Variants in COL5A3 observed in about 807,000 individuals in gnomAD.
COL5A3 encodes collagen type V alpha 3 chain.
COL5A3 carries 172 observed loss-of-function variants against 250.0 expected under a neutral mutation model. The ratio of observed to expected loss-of-function variants is 0.69; its 90% CI spans 0.61 to 0.78. The LOEUF is 0.78. COL5A3 is among the 30% of genes least tolerant of loss of function. COL5A3 has a pLI of 0.00. For synonymous variants in COL5A3, 937 were observed against 900.4 expected (o/e 1.04, Z -0.73); for missense variants, 2,340 against 2,334.4 (o/e 1.00, Z -0.05).
In COL5A3 at chr19:9,979,170, G is replaced by C. The variant is rs1415883857; in HGVS notation, c.2836C>G (p.Gln946Glu). 1 of 1,600,892 alleles carries C rather than the reference G, an allele frequency of 6.2e-7. No homozygotes were observed. Among genetic ancestry groups the C allele is most frequent in the Non-Finnish European group, 8.5e-7 (1 of 1,176,422 alleles). The change falls in exon 39 of 67, where the codon CAA becomes GAA. Residue 946 changes from glutamine to glutamate, a missense_variant. Physicochemically the swap from Gln to Glu is conservative, Grantham distance 29. Around this residue, in one of 3 missense-constraint regions of COL5A3, gnomAD observed 1,179 missense variants for 1,162.6 expected, o/e 1.01. Coordinates refer to ENST00000264828, the MANE Select transcript of COL5A3 (RefSeq NM_015719.4). ...CTGCCTTCCAGGCCAGGAAGACCTT[G>C]TTCACCAGGAGGTCCAGGGGGGCCT... ...PPGPPGPPGE[Q>E]GLPGLEGREG...
chr19:9,960,592 G>T (rs745721099), intron 66 of COL5A3, 35 bp from the exon 67 acceptor site: 12 of 1,613,532 alleles, frequency 7.4e-6, no homozygotes, highest in Non-Finnish European at 1.0e-5. Flanking sequence ...GTGAGTTACC[G>T]GGAAGGTGGC....
chr19:9,985,030 C>T (rs190631884), intron 31 of COL5A3, among the ~76,000 whole-genome samples: 1 of 146,856 alleles, frequency 6.8e-6, no homozygotes, highest in Non-Finnish European at 1.5e-5. Flanking sequence ...CTCACTGCAA[C>T]CTCTGCCTCC....
Position 10,006,221 on chromosome 19 carries a change from A to G in COL5A3, c.99T>C (p.Asp33=), listed in dbSNP as rs1242933877. 1 of 1,598,588 alleles carries G rather than the reference A, an allele frequency of 6.3e-7. No individual in the cohort carries two copies. Among genetic ancestry groups the G allele is most frequent in the Admixed American group, 1.8e-5 (1 of 56,596 alleles). ...CCTGCACACCCAGGGCCTTCAGGAC[A>G]TCCACAGGATCTGCAGCAGAGAGAA... ...LLPGTQADPV[D]VLKALGVQGG... is the part of the protein sequence containing the mutation. The change falls in exon 2 of 67, where the codon GAT becomes GAC. Residue 33 remains aspartate (D), a synonymous_variant. Coordinates refer to ENST00000264828, the MANE Select transcript of COL5A3 (RefSeq NM_015719.4).
chr19:9,966,453 G>A (rs373086816), intron 63 of COL5A3, 27 bp from the exon 64 acceptor site: 6 of 1,579,540 alleles, frequency 3.8e-6, no homozygotes, highest in Non-Finnish European at 5.2e-6. Context: ...CAGGGTGGGT[G>A]AGTCCGGATG....
intron 29 of COL5A3, 37 bp downstream of exon 29, chr19:9,986,516 C>A: frequency 6.2e-7 from 1 of 1,613,002 alleles, no homozygotes; most frequent in Non-Finnish European, 8.5e-7. Flanking sequence ...CCCGAGCCCC[C>A]AGACCCACAC....
chr19:10,003,952 G>A, intron 5 of COL5A3, 89 bp downstream of exon 5: 1 of 1,155,626 alleles, frequency 8.7e-7, no homozygotes, highest in Non-Finnish European at 1.3e-6. Flanking sequence ...CATGTCTGGG[G>A]GATGAGAATT....
rs763206379 is a variant in COL5A3, at chr19:9,966,494, C to T, written c.4669+42G>A. ...CGACGGACCCCAACCCCCCCCACACCCCCACTCCGCCCATCCAAGTGGCGG... is the reference window on the plus strand; with the variant it reads ...CGACGGACCCCAACCCCCCCCACACTCCCACTCCGCCCATCCAAGTGGCGG... On this transcript the variant is annotated intron_variant, in intron 63 of 66. Coordinates refer to ENST00000264828, the MANE Select transcript of COL5A3 (RefSeq NM_015719.4). 32 of 1,553,522 alleles carry T rather than the reference C, an allele frequency of 2.1e-5. No individual in the cohort carries two copies. The Admixed American group carries it at 6.0e-4, about 29-fold the overall frequency.
rs2086744468 is a variant in COL5A3, at chr19:9,966,352, C to T, written c.4744G>A (p.Gly1582Arg). 2 of 1,605,604 alleles carry T rather than the reference C, an allele frequency of 1.2e-6. No individual in the cohort carries two copies. The highest frequency in any genetic ancestry group is 1.3e-5 in the African/African-American group (1 of 74,862). Residue 1582 changes from glycine to arginine, a missense_variant, in exon 64 of 67, where the codon GGA becomes AGA. Transcript: ENST00000264828. The stretch of plus-strand genomic sequence containing the variant: ...TTGTCGGGATAGAGGCAGGTCTCTC[C>T]TCCCGCCGTGAAGTTGCAAAAAACC... ...FRVFCNFTAG[G>R]ETCLYPDKKF...
At position 9,979,250 on chromosome 19, in the gene COL5A3, A is replaced by C; in HGVS notation, c.2767-11T>G. Reference sequence around the variant, plus strand: ...TTCTCCTGTCTTTCCCTGGTGAGGAAGAAGGCTCCTGTTGAGTGGGGGTGG... The same window carrying C: ...TTCTCCTGTCTTTCCCTGGTGAGGACGAAGGCTCCTGTTGAGTGGGGGTGG... On this transcript the variant is annotated splice_polypyrimidine_tract_variant and intron_variant, in intron 38 of 66. Transcript: ENST00000264828. 6.2e-7 allele frequency: 1 copy of C among 1,606,204 alleles called. No individual in the cohort carries two copies. The highest frequency in any genetic ancestry group is 8.5e-7 in the Non-Finnish European group (1 of 1,174,946).
intron 18 of COL5A3, 23 bp downstream of exon 18, chr19:9,993,596 G>A (rs2277963): frequency 1.2e-6 from 2 of 1,613,152 alleles, no homozygotes; most frequent in East Asian, 2.2e-5. Context: ...CTTAGACTTG[G>A]GGGAGGGACC....
chr19:9,989,719 C>A (rs1233335384), intron 24 of COL5A3, among the ~76,000 whole-genome samples, 197 bp from the exon 25 acceptor site: 1 of 152,214 alleles, frequency 6.6e-6, no homozygotes, highest in African/African-American at 2.4e-5. Context: ...CCTCAGAAAT[C>A]CACTGCCTCT....
rs577808217 is a variant in COL5A3 at position 10,007,308 on chromosome 19, G to A, written c.89-1077C>T. 4.6e-5 allele frequency among the ~76,000 whole-genome samples: 7 copies of A among 152,110 alleles called. No homozygotes were observed. The East Asian group carries it at 1.4e-3, about 29-fold the overall frequency. ...TCCTGATCTCCTCCATCTGACCCAT[G>A]ACCTCCTCATTTCATCTCTCTGACT... On this transcript the variant is annotated intron_variant, in intron 1 of 66. Coordinates refer to ENST00000264828, the MANE Select transcript of COL5A3 (RefSeq NM_015719.4).
Position 9,973,923 on chromosome 19 carries a change from G to A in COL5A3, c.3554C>T (p.Ser1185Leu). ...GPRGPQGPTG[S>L]EGTPGLPGGV... is the part of the protein sequence containing the mutation. ...TGGCCCCCCAAGAGTTCTCACCTCT[G>A]ATCCAGTGGGGCCTTGGGGACCCCG... The change falls in exon 48 of 67, where the codon TCA (serine) becomes TTA (leucine). Residue 1185 changes from serine (S) to leucine (L), a missense_variant. Ser to Leu is a moderately radical substitution (Grantham distance 145, BLOSUM62 -2). Transcript: ENST00000264828. The A allele has an allele frequency of 5.1e-6, 8 of 1,570,610 alleles. No individual in the cohort carries two copies. The highest frequency in any genetic ancestry group is 6.9e-6 in the Non-Finnish European group (8 of 1,156,472).
chr19:9,979,156 G>A lies in COL5A3; in HGVS notation c.2850C>T (p.Gly950=). ...CCTTGGCCCCCTCTCTGCCTTCCAG[G>A]CCAGGAAGACCTTGTTCACCAGGAG... ...PGPPGEQGLP[G]LEGREGAKGE... Residue 950 remains glycine, a synonymous_variant, in exon 39 of 67, where the codon GGC becomes GGT. Coordinates refer to ENST00000264828, the MANE Select transcript of COL5A3 (RefSeq NM_015719.4). The A allele has an allele frequency of 6.3e-7, 1 of 1,594,724 alleles. No individual in the cohort carries two copies. Among genetic ancestry groups the A allele is most frequent in the Non-Finnish European group, 8.5e-7 (1 of 1,174,526 alleles).
chr19:9,993,495 G>A (rs2087225111), intron 18 of COL5A3, 62 bp from the exon 19 acceptor site: 1 of 1,591,222 alleles, frequency 6.3e-7, no homozygotes, highest in Admixed American at 1.7e-5. Context: ...CCAGCCCCCT[G>A]GGAAGGCAGA....
intron 10 of COL5A3, among the ~76,000 whole-genome samples, 190 bp downstream of exon 10, chr19:9,997,794 G>T (rs2087294101): frequency 6.6e-6 from 1 of 152,034 alleles, no homozygotes; most frequent in South Asian, 2.1e-4. Flanking sequence ...TTAAAGAGAT[G>T]GGGTCTTGCT....
intron 53 of COL5A3, 75 bp downstream of exon 53, chr19:9,970,900 C>A: frequency 7.5e-7 from 1 of 1,339,294 alleles, no homozygotes; most frequent in South Asian, 1.5e-5. Flanking sequence ...GCCCACTCCC[C>A]TGCCCCCCCA....
Position 9,979,864 on chromosome 19 carries a change from C to T in COL5A3, c.2687G>A (p.Gly896Glu). ...PGHQGKDGRP[G>E]HPGQRGELGF... ...CAGTTCTCCTCTCTGTCCAGGGTGC[C>T]CTGGTCGCCCATCTTTACCTTGGTG... Residue 896 changes from glycine (G) to glutamate (E), a missense_variant, in exon 37 of 67, where the codon GGG becomes GAG. Physicochemically the swap from Gly to Glu is moderately conservative, Grantham distance 98. Transcript: ENST00000264828. The T allele has an allele frequency of 6.3e-7, 1 of 1,577,090 alleles. No individual in the cohort carries two copies. The highest frequency in any genetic ancestry group is 8.6e-7 in the Non-Finnish European group (1 of 1,169,132).
chr19:9,995,132 T>A (rs1257873032), intron 16 of COL5A3, among the ~76,000 whole-genome samples: 1 of 152,130 alleles, frequency 6.6e-6, no homozygotes, highest in African/African-American at 2.4e-5. Flanking sequence ...GATCTCAAAC[T>A]CCTGACCTCA....
Sources: allele counts gnomAD v4.1 joint callset (sites outside exome capture counted in the v4.1 genomes callset), GRCh38; gene constraint gnomAD v4.1.1; regional missense constraint gnomAD v4.1.1; transcripts MANE v1.5; gene names NCBI Gene and HGNC (gene_info 2026-07-23, HGNC 2026-07-21).